AUTS2: variants seen among roughly 807,000 people sequenced by gnomAD.
The protein encoded by AUTS2 is autism susceptibility gene 2 protein.
AUTS2 carries 17 observed loss-of-function variants against 112.4 expected under a neutral mutation model. That is an observed-to-expected ratio of 0.15 (90% CI 0.10 to 0.23). The LOEUF is 0.23. Ranked by LOEUF, AUTS2 falls within the 10% of genes least tolerant of loss-of-function variation. AUTS2 has a pLI of 1.00. For missense variants in AUTS2, 1,510 were observed against 1,701.6 expected, an observed-to-expected ratio of 0.89 and a Z score of 1.98; for synonymous variants, 751 against 702.7, an observed-to-expected ratio of 1.07 and a Z score of -1.09.
At chr7:69,707,843 A>G (rs1798137026) in intron 1 of AUTS2, among the ~76,000 whole-genome samples, 1 of 152,150 alleles carries the variant, frequency 6.6e-6, no homozygotes. Context: ...TTTTAACCCC[A>G]TTTGGGCTTT....
At chr7:70,102,164 G>C (rs1804534346) in intron 2 of AUTS2, among the ~76,000 whole-genome samples, 1 of 148,270 alleles carries the variant, frequency 6.7e-6, no homozygotes, top group South Asian at 2.1e-4. Context: ...TTTCGCCCAG[G>C]CTGGAGTGCA....
intron 1 of AUTS2, among the ~76,000 whole-genome samples, chr7:69,602,040 A>ATATG (rs1474403063): frequency 3.8e-3 from 174 of 46,130 alleles, no homozygotes; most frequent in Middle Eastern, 0.014. Context: ...ATATATATAT[A>ATATG]TGTGTGTGTG....
intron 2 of AUTS2, among the ~76,000 whole-genome samples, chr7:69,976,715 A>G (rs1378108270): frequency 2.0e-5 from 3 of 152,324 alleles, no homozygotes; most frequent in Admixed American, 6.5e-5. Context: ...GATGTTGAGA[A>G]TCTTTGTTGG....
At chr7:70,684,646 G>A (rs1400606258) in intron 5 of AUTS2, among the ~76,000 whole-genome samples, 1 of 151,494 alleles carries the variant, frequency 6.6e-6, no homozygotes, top group African/African-American at 2.4e-5. Flanking sequence ...GGTGTGGGGT[G>A]GTGTGGCGTG....
intron 1 of AUTS2, among the ~76,000 whole-genome samples, chr7:69,794,370 A>G (rs948729951): frequency 6.6e-6 from 1 of 152,192 alleles, no homozygotes; most frequent in Non-Finnish European, 1.5e-5. Context: ...ACGATTTCTT[A>G]TCTTTTTGCT....
At chr7:69,651,075 G>A (rs1450156893) in intron 1 of AUTS2, among the ~76,000 whole-genome samples, 1 of 152,180 alleles carries the variant, frequency 6.6e-6, no homozygotes, top group African/African-American at 2.4e-5. Flanking sequence ...TAGGTTATAG[G>A]CCATTGGGAA....
At chr7:69,623,028 T>C (rs1230658269) in intron 1 of AUTS2, among the ~76,000 whole-genome samples, 1 of 152,140 alleles carries the variant, frequency 6.6e-6, no homozygotes, top group Non-Finnish European at 1.5e-5. Context: ...ACATGTTGGG[T>C]ATGGAGAATT....
intron 6 of AUTS2, among the ~76,000 whole-genome samples, chr7:70,738,871 C>T (rs1429889669): frequency 6.6e-6 from 1 of 152,048 alleles, no homozygotes; most frequent in African/African-American, 2.4e-5. Flanking sequence ...ATGTCTTTTC[C>T]TCATTTTATG....
At chr7:70,345,736 T>A (rs897301880) in intron 4 of AUTS2, among the ~76,000 whole-genome samples, 1 of 152,218 alleles carries the variant, frequency 6.6e-6, no homozygotes, top group African/African-American at 2.4e-5. Context: ...GCCAAGACTC[T>A]CATGACTTTC....
chr7:69,611,332 A>C (rs560828435), intron 1 of AUTS2, among the ~76,000 whole-genome samples: 9 of 152,248 alleles, frequency 5.9e-5, no homozygotes, highest in African/African-American at 1.4e-4. Context: ...TGATAATTGC[A>C]GGTGAGATGC....
At chr7:69,980,371 G>A (rs1798246125) in intron 2 of AUTS2, among the ~76,000 whole-genome samples, 2 of 152,210 alleles carry the variant, frequency 1.3e-5, no homozygotes, top group Admixed American at 1.3e-4. Flanking sequence ...GTTTTGCAGA[G>A]GGAGTGCAGA....
chr7:69,941,131 G>A (rs1424640160), intron 2 of AUTS2, among the ~76,000 whole-genome samples: 36 of 152,146 alleles, frequency 2.4e-4, no homozygotes, highest in Non-Finnish European at 1.6e-4. Context: ...CCAAGTTAAG[G>A]TAATTTCATA....
chr7:70,416,952 G>A (rs1795011036), intron 4 of AUTS2, among the ~76,000 whole-genome samples: 1 of 152,200 alleles, frequency 6.6e-6, no homozygotes, highest in Non-Finnish European at 1.5e-5. Context: ...GTCTCACACA[G>A]GGATGATTTG....
chr7:70,191,277 C>G (rs1406074832), intron 4 of AUTS2, among the ~76,000 whole-genome samples: 1 of 150,142 alleles, frequency 6.7e-6, no homozygotes, highest in Non-Finnish European at 1.5e-5. Context: ...ACACCATTCT[C>G]CCACCTCAGC....
intron 5 of AUTS2, among the ~76,000 whole-genome samples, chr7:70,526,712 C>T (rs943505082): frequency 2.0e-5 from 3 of 152,142 alleles, no homozygotes; most frequent in Non-Finnish European, 4.4e-5. Context: ...TCATGACTGC[C>T]CGTCCAACTC....
At chr7:70,484,765 C>T (rs1407787884) in intron 5 of AUTS2, among the ~76,000 whole-genome samples, 2 of 152,074 alleles carry the variant, frequency 1.3e-5, no homozygotes, top group African/African-American at 4.8e-5. Flanking sequence ...GGATAAAAGC[C>T]TTTTGAAAAT....
In AUTS2 at chr7:70,772,359, A is replaced by C. The variant is rs189861884; in HGVS notation, c.1830+715A>C. 3.0e-3 allele frequency among the ~76,000 whole-genome samples: 457 copies of C among 152,348 alleles called. 3 individuals are homozygous for C. Among genetic ancestry groups the C allele is most frequent in the Non-Finnish European group, 5.0e-3 (341 of 68,036 alleles). ...GATAATGCCGTCCAGCGTTGGCTAC[A>C]GCTGTCTCTAAAGGTCAATATTGAA... On this transcript the variant is annotated intron_variant, in intron 11 of 18. Transcript: ENST00000342771.
intron 2 of AUTS2, among the ~76,000 whole-genome samples, chr7:70,029,222 C>G (rs1267804223): frequency 6.7e-6 from 1 of 150,332 alleles, no homozygotes; most frequent in African/African-American, 2.5e-5. Flanking sequence ...CAGAGCAGTG[C>G]CAGACACACA....
chr7:69,939,557 C>T (rs1796543664), intron 2 of AUTS2, among the ~76,000 whole-genome samples: 1 of 152,104 alleles, frequency 6.6e-6, no homozygotes, highest in African/African-American at 2.4e-5. Context: ...GCTCTTTGAT[C>T]CACAGTCTTT....
Sources: allele counts gnomAD v4.1 joint callset (sites outside exome capture counted in the v4.1 genomes callset), GRCh38; gene constraint gnomAD v4.1.1; transcripts MANE v1.5; gene names NCBI Gene and HGNC (gene_info 2026-07-23, HGNC 2026-07-21).